The following PGBD5 variants were observed in gnomAD, a reference collection of about 807,000 sequenced individuals.
The protein encoded by PGBD5 is piggyBac transposable element derived 5, also known as piggyBac transposable element-derived protein 5.
PGBD5 carries 14 observed loss-of-function variants against 47.9 expected under a neutral mutation model. The observed-to-expected ratio is 0.29, with a 90% CI of 0.19 to 0.46. The LOEUF (loss-of-function observed/expected upper bound fraction) is 0.46. PGBD5 is among the 20% of genes least tolerant of loss of function. The pLI is 1.00. For missense variants in PGBD5, 635 were observed against 716.0 expected (o/e 0.89, Z 1.29); for synonymous variants, 316 against 306.3 (o/e 1.03, Z -0.33).
intron 1 of PGBD5, among the ~76,000 whole-genome samples, chr1:230,388,819 A>AC (rs894539586): frequency 3.3e-5 from 5 of 151,568 alleles, no homozygotes; most frequent in African/African-American, 4.9e-5. Flanking sequence ...GGTGGCCATG[A>AC]CCCCCCTGGA....
intron 3 of PGBD5, among the ~76,000 whole-genome samples, chr1:230,339,247 T>C (rs116531242): frequency 0.011 from 1,629 of 152,322 alleles, 33 homozygotes; most frequent in African/African-American, 0.036. Flanking sequence ...TTTTATTCCC[T>C]GGGAAACAGA....
intron 1 of PGBD5, among the ~76,000 whole-genome samples, chr1:230,399,182 A>AT (rs937955579): frequency 9.2e-5 from 14 of 152,034 alleles, no homozygotes; most frequent in African/African-American, 3.1e-4. Flanking sequence ...TAAACAAGTA[A>AT]TTTTTTTCAT....
chr1:230,368,292 C>A (rs1667873741), intron 1 of PGBD5: 2 of 1,152,860 alleles, frequency 1.7e-6, no homozygotes, highest in East Asian at 5.9e-5. Flanking sequence ...GGCCAAGTGG[C>A]CCCTCCCCAA....
chr1:230,382,328 T>C (rs998434987), intron 1 of PGBD5, among the ~76,000 whole-genome samples: 2 of 152,310 alleles, frequency 1.3e-5, no homozygotes, highest in East Asian at 3.9e-4. Flanking sequence ...AGGAATGACA[T>C]CCTAATGATG....
At chr1:230,360,708 T>C (rs1209425456) in intron 1 of PGBD5, among the ~76,000 whole-genome samples, 2 of 152,202 alleles carry the variant, frequency 1.3e-5, no homozygotes, top group African/African-American at 2.4e-5. Flanking sequence ...TGTGAGTTAA[T>C]GAAACCTCTT....
At position 230,316,236 on chromosome 1, in the gene PGBD5, A is replaced by C. The variant is rs1188346658; in HGVS notation, c.*7189T>G. 6.5e-6 allele frequency: 1 copy of C among 152,834 alleles called. No homozygotes were observed. The highest frequency in any genetic ancestry group is 2.0e-4 in the South Asian group (1 of 4,884). 9.5% of individuals were successfully genotyped at this position (152,834 alleles called of 1,614,324 possible). A position where few individuals can be genotyped will look rare whatever the true frequency, so the allele number is the denominator to read the frequency against. On this transcript the variant is annotated 3_prime_UTR_variant, in exon 7 of 7. Transcript: ENST00000391860. ...CACATGTGTATATGTGTATACGTACATATGTGTATATATGTATTAAGTGGA... is the reference window on the plus strand; with the variant it reads ...CACATGTGTATATGTGTATACGTACCTATGTGTATATATGTATTAAGTGGA...
chr1:230,388,022 G>A (rs989443455), intron 1 of PGBD5, among the ~76,000 whole-genome samples: 5 of 152,148 alleles, frequency 3.3e-5, no homozygotes, highest in Non-Finnish European at 5.9e-5. Flanking sequence ...AGTGATGGAC[G>A]TAACTCAGTG....
At chr1:230,397,910 G>C (rs536598217) in intron 1 of PGBD5, among the ~76,000 whole-genome samples, 1 of 152,316 alleles carries the variant, frequency 6.6e-6, no homozygotes, top group Non-Finnish European at 1.5e-5. Context: ...CCCTACATGG[G>C]CACAGACTCC....
At chr1:230,392,915 C>T (rs2102733783) in intron 1 of PGBD5, among the ~76,000 whole-genome samples, 1 of 151,818 alleles carries the variant, frequency 6.6e-6, no homozygotes, top group African/African-American at 2.4e-5. Flanking sequence ...GACAGCTCTC[C>T]AACCCCAGCT....
chr1:230,389,716 T>C (rs1167632965), intron 1 of PGBD5, among the ~76,000 whole-genome samples: 1 of 152,108 alleles, frequency 6.6e-6, no homozygotes, highest in Non-Finnish European at 1.5e-5. Context: ...CCCCATAATA[T>C]AAAAAGTAGG....
At position 230,314,581 on chromosome 1, in the gene PGBD5, C is replaced by CTTTTTTTTTTTTTTTTTT; in HGVS notation, c.*8826_*8843dup. On this transcript the variant is annotated 3_prime_UTR_variant, in exon 7 of 7. Transcript: ENST00000391860. Reference sequence around the variant, plus strand: ...ACATGACAAAATGCTTGAATTAAATCTTTTTTTTTTTTTTTTTTTTTTTTG... The same window carrying CTTTTTTTTTTTTTTTTTT: ...ACATGACAAAATGCTTGAATTAAATCTTTTTTTTTTTTTTTTTTTTTTTTTTTTTTTTTTTTTTTTTTG... The CTTTTTTTTTTTTTTTTTT allele has an allele frequency of 1.1e-5, 1 of 88,384 alleles. No individual in the cohort carries two copies. Among genetic ancestry groups the CTTTTTTTTTTTTTTTTTT allele is most frequent in the Non-Finnish European group, 2.2e-5 (1 of 45,434 alleles). The allele number at this position is 88,384 out of a possible 1,614,324, so 5.5% of individuals were successfully genotyped here.
chr1:230,380,635 A>G (rs1656441701), intron 1 of PGBD5, among the ~76,000 whole-genome samples: 1 of 152,250 alleles, frequency 6.6e-6, no homozygotes, highest in Admixed American at 6.5e-5. Flanking sequence ...TGCCAAGCCC[A>G]GGTTATGGCT....
rs188471715 is a variant in PGBD5, at chr1:230,382,656, G to C, written c.332-25335C>G. On this transcript the variant is annotated intron_variant, in intron 1 of 6. Transcript: ENST00000391860. ...AACTAGGGTGGTTGGTCACCTGAGAGGAGGTGAGTCTGTTATGAAAACACG... is the reference window on the plus strand; with the variant it reads ...AACTAGGGTGGTTGGTCACCTGAGACGAGGTGAGTCTGTTATGAAAACACG... Among the ~76,000 whole-genome samples, 767 of 152,332 alleles carry C rather than the reference G, an allele frequency of 5.0e-3. 5 individuals are homozygous for C. Among genetic ancestry groups the C allele is most frequent in the African/African-American group, 0.018 (742 of 41,572 alleles).
At chr1:230,406,211 G>C (rs943424810) in intron 1 of PGBD5, among the ~76,000 whole-genome samples, 14 of 151,496 alleles carry the variant, frequency 9.2e-5, no homozygotes, top group Non-Finnish European at 1.9e-4. Flanking sequence ...GGGAGGCTGA[G>C]GCAGGAGAAT....
intron 1 of PGBD5, among the ~76,000 whole-genome samples, chr1:230,364,107 C>T (rs2632579): frequency 0.55 from 83,759 of 152,132 alleles, 25,027 homozygotes; most frequent in Non-Finnish European, 0.68. Context: ...TTTTCCCTTG[C>T]TCAATCTCTT....
chr1:230,342,538 T>C (rs1667421093), intron 3 of PGBD5, among the ~76,000 whole-genome samples: 2 of 148,102 alleles, frequency 1.4e-5, no homozygotes, highest in Non-Finnish European at 3.0e-5. Flanking sequence ...ACCTGGGACA[T>C]CTGCATGGGA....
intron 5 of PGBD5, among the ~76,000 whole-genome samples, chr1:230,331,770 A>G (rs1283778127): frequency 1.3e-5 from 2 of 151,490 alleles, no homozygotes; most frequent in African/African-American, 4.9e-5. Context: ...CTGGGACTCC[A>G]GGTGGGTGCC....
In PGBD5 at chr1:230,332,933, A is replaced by C. The variant is rs1667244510; in HGVS notation, c.1184T>G (p.Ile395Ser). Residue 395 changes from isoleucine to serine, a missense_variant, in exon 5 of 7, where the codon ATC becomes AGC. Physicochemically the swap from Ile to Ser is moderately radical, Grantham distance 142. Coordinates refer to ENST00000391860, the MANE Select transcript of PGBD5 (RefSeq NM_001258311.2). The part of the protein sequence containing the change: ...ATPPARGQYQ[I>S]KMKGNMSLIC... ...CAAGGACATGTTCCCCTTCATCTTG[A>C]TTTGGTACTGGCCCCGGGCCGGGGG... is the stretch of plus-strand genomic sequence containing the variant. The C allele has an allele frequency of 3.1e-6, 5 of 1,614,128 alleles. No homozygotes were observed. Among genetic ancestry groups the C allele is most frequent in the Non-Finnish European group, 4.2e-6 (5 of 1,180,010 alleles).
intron 5 of PGBD5, among the ~76,000 whole-genome samples, chr1:230,331,676 G>T (rs141959851): frequency 6.8e-4 from 101 of 148,358 alleles, no homozygotes; most frequent in African/African-American, 2.4e-3. Context: ...TTTCTCTCTT[G>T]GTAGATGGGG....
Sources: allele counts gnomAD v4.1 joint callset (sites outside exome capture counted in the v4.1 genomes callset), GRCh38; gene constraint gnomAD v4.1.1; transcripts MANE v1.5; gene names NCBI Gene and HGNC (gene_info 2026-07-23, HGNC 2026-07-21).